The following C3orf20 variants were observed in gnomAD, a reference collection of about 807,000 sequenced individuals.
The protein encoded by C3orf20 is uncharacterized protein C3orf20.
Under a neutral mutation model 88.3 loss-of-function variants are expected in C3orf20, and 76 were observed. The ratio of observed to expected loss-of-function variants is 0.86; its 90% CI spans 0.72 to 1.04. C3orf20 has a LOEUF of 1.04. Among genes scored for constraint, C3orf20 ranks in the 50% least tolerant of loss-of-function variants. C3orf20 has a pLI of 0.00. For synonymous variants in C3orf20, 436 were observed against 437.4 expected, an observed-to-expected ratio of 1.00 and a Z score of 0.04; for missense variants, 1,056 against 1,123.3, an observed-to-expected ratio of 0.94 and a Z score of 0.86.
chr3:14,721,545 ATCT>A (rs914110714), intron 9 of C3orf20, 105 bp from the exon 10 acceptor site: 6 of 1,456,080 alleles, frequency 4.1e-6, no homozygotes, highest in Admixed American at 4.4e-5. Flanking sequence ...GCTCTTACAA[ATCT>A]TCTGCCCCAA....
In C3orf20 at chr3:14,715,333, A is replaced by G. The variant is rs117800266; in HGVS notation, c.1358A>G (p.Asn453Ser). 8.6e-5 allele frequency: 139 copies of G among 1,612,622 alleles called. No homozygotes were observed. The East Asian group carries it at 1.5e-3, about 18-fold the overall frequency. ...LILDEEGGTT[N>S]DQQGYVVHKW... is the part of the protein sequence containing the mutation. ...TTGGATGAGGAAGGTGGGACCACCA[A>G]TGACCAGCAGGGCTATGTAGTCCAC... The change falls in exon 9 of 17, where the codon AAT becomes AGT. Residue 453 changes from asparagine to serine, a missense_variant. Physicochemically the swap from Asn to Ser is conservative, Grantham distance 46. Transcript: ENST00000253697.
At chr3:14,699,976 C>G (rs760961769) in intron 5 of C3orf20, among the ~76,000 whole-genome samples, 1 of 152,220 alleles carries the variant, frequency 6.6e-6, no homozygotes. Flanking sequence ...TAAATGCTCC[C>G]TCCATGAGTG....
chr3:14,761,529 C>G lies in C3orf20; in HGVS notation c.2409C>G (p.Leu803=). Residue 803 remains leucine, a synonymous_variant, in exon 15 of 17, where the codon CTC becomes CTG. Transcript: ENST00000253697. ...GCCGTGTTTTGAATGGATATGGCCT[C>G]AGCAAGCAGAATCTGCTGAAACAGA... ...FGGRVLNGYG[L]SKQNLLKQIF... is the part of the protein sequence containing the mutation. 1 of 1,614,070 alleles carries G rather than the reference C, an allele frequency of 6.2e-7. No individual in the cohort carries two copies. The highest frequency in any genetic ancestry group is 8.5e-7 in the Non-Finnish European group (1 of 1,180,006).
At chr3:14,688,529 C>CAAAAAAAAAAAAAAAAAAAAAAA (rs35979290) in intron 4 of C3orf20, among the ~76,000 whole-genome samples, 5 of 105,828 alleles carry the variant, frequency 4.7e-5, no homozygotes, top group Non-Finnish European at 9.0e-5. Context: ...GAGACTGTCT[C>CAAAAAAAAAAAAAAAAAAAAAAA]AAAAAAAAAA....
intron 10 of C3orf20, chr3:14,722,330 A>G (rs746346101): frequency 1.8e-5 from 7 of 384,384 alleles, no homozygotes; most frequent in African/African-American, 8.3e-5. Flanking sequence ...CATGCGTGAA[A>G]CATTCCCTGT....
intron 1 of C3orf20, among the ~76,000 whole-genome samples, chr3:14,679,795 C>A (rs1300494202): frequency 6.6e-6 from 1 of 152,172 alleles, no homozygotes; most frequent in Non-Finnish European, 1.5e-5. Flanking sequence ...AAATATACAG[C>A]AATAAACATA....
chr3:14,688,097 T>G (rs750502893), intron 4 of C3orf20, among the ~76,000 whole-genome samples: 19 of 152,170 alleles, frequency 1.2e-4, no homozygotes, highest in Non-Finnish European at 2.5e-4. Flanking sequence ...AAAAGGACTT[T>G]ACTTACATAG....
At chr3:14,691,775 C>A (rs535911145) in intron 5 of C3orf20, among the ~76,000 whole-genome samples, 4 of 152,264 alleles carry the variant, frequency 2.6e-5, no homozygotes, top group African/African-American at 4.8e-5. Flanking sequence ...CAATTGTACT[C>A]TTTTAGTCAT....
intron 15 of C3orf20, among the ~76,000 whole-genome samples, chr3:14,762,915 C>T (rs1054454570): frequency 6.6e-6 from 1 of 152,210 alleles, no homozygotes; most frequent in Non-Finnish European, 1.5e-5. Context: ...GTGACCCCCA[C>T]AACTCAGAGC....
At chr3:14,753,133 A>G (rs917006814) in intron 12 of C3orf20, among the ~76,000 whole-genome samples, 17 of 152,244 alleles carry the variant, frequency 1.1e-4, no homozygotes, top group Admixed American at 6.5e-5. Flanking sequence ...TGTGGCACAT[A>G]TACACCATGG....
intron 15 of C3orf20, among the ~76,000 whole-genome samples, chr3:14,763,055 C>T (rs1314958503): frequency 6.6e-6 from 1 of 152,060 alleles, no homozygotes. Flanking sequence ...GCTTGGTGGT[C>T]CTTGAAGACC....
In C3orf20 at chr3:14,772,047, C is replaced by G; in HGVS notation, c.2496-20C>G. 1.2e-6 allele frequency: 2 copies of G among 1,614,058 alleles called. No individual in the cohort carries two copies. Among genetic ancestry groups the G allele is most frequent in the Non-Finnish European group, 1.7e-6 (2 of 1,179,952 alleles). Reference sequence around the variant, plus strand: ...CACCCTGGGCCCTGAGCACTGCCCCCGACCCTGCCTCCCCTGCAGTGTTCC... The same window carrying G: ...CACCCTGGGCCCTGAGCACTGCCCCGGACCCTGCCTCCCCTGCAGTGTTCC... On this transcript the variant is annotated intron_variant, in intron 15 of 16. Coordinates refer to ENST00000253697, the MANE Select transcript of C3orf20 (RefSeq NM_032137.5). The surrounding 1 kb of genome is among the most constrained non-coding windows in gnomAD (Gnocchi z 4.2).
chr3:14,738,819 T>A (rs34095622), intron 12 of C3orf20, among the ~76,000 whole-genome samples: 10,183 of 144,426 alleles, frequency 0.071, 800 homozygotes, highest in African/African-American at 0.18. Flanking sequence ...TTTTTTGTTT[T>A]TTTTTTTTTT....
At chr3:14,690,247 C>T (rs2032658047) in intron 5 of C3orf20, 131 bp downstream of exon 5, 1 of 1,284,772 alleles carries the variant, frequency 7.8e-7, no homozygotes, top group Admixed American at 2.2e-5. Context: ...TACATAGCGG[C>T]TCTGCCTGGA....
At chr3:14,759,218 A>G (rs1447348600) in intron 13 of C3orf20, among the ~76,000 whole-genome samples, 1 of 152,208 alleles carries the variant, frequency 6.6e-6, no homozygotes, top group Non-Finnish European at 1.5e-5. Flanking sequence ...CCTGACAGCT[A>G]GAACACTGGG....
intron 12 of C3orf20, among the ~76,000 whole-genome samples, chr3:14,731,509 G>A (rs1457955669): frequency 6.6e-6 from 1 of 152,138 alleles, no homozygotes; most frequent in Admixed American, 6.5e-5. Context: ...AAGGACACAG[G>A]TGTGTCTTCT....
chr3:14,685,358 A>G (rs1227782506), intron 4 of C3orf20, among the ~76,000 whole-genome samples: 1 of 152,124 alleles, frequency 6.6e-6, no homozygotes, highest in Non-Finnish European at 1.5e-5. Context: ...CTCTGGGGAG[A>G]GAGAAGGGGA....
In C3orf20 at chr3:14,684,399, C is replaced by T; in HGVS notation, c.625+17C>T. The T allele has an allele frequency of 6.2e-7, 1 of 1,612,322 alleles. No individual in the cohort carries two copies. Among genetic ancestry groups the T allele is most frequent in the Non-Finnish European group, 8.5e-7 (1 of 1,179,232 alleles). On this transcript the variant is annotated intron_variant, in intron 4 of 16. Transcript: ENST00000253697. ...TGTGGAAAGGTGGGTACCTGAGCTTCAACCCTTAGGTAAGAAGTGCAAACA... is the reference window on the plus strand; with the variant it reads ...TGTGGAAAGGTGGGTACCTGAGCTTTAACCCTTAGGTAAGAAGTGCAAACA...
At chr3:14,752,815 G>C (rs1025609284) in intron 12 of C3orf20, among the ~76,000 whole-genome samples, 2 of 152,170 alleles carry the variant, frequency 1.3e-5, no homozygotes, top group African/African-American at 4.8e-5. Flanking sequence ...TTAGAATGGT[G>C]ATCATTAAAA....
Sources: gnomAD v4.1 joint callset for allele counts (sites outside exome capture counted in the v4.1 genomes callset) on GRCh38, gnomAD v4.1.1 for gene constraint, Gnocchi (gnomAD v3.1) non-coding constraint, MANE v1.5 for transcripts, NCBI Gene and HGNC (gene_info 2026-07-23, HGNC 2026-07-21) for gene names.